Variants in CNTLN observed in about 807,000 individuals in gnomAD.
CNTLN encodes centlein, centrosomal protein.
A neutral mutation model predicts 180.0 loss-of-function variants in CNTLN; 212 were observed. The observed-to-expected ratio is 1.18, with a 90% confidence interval of 1.05 to 1.32. The LOEUF is 1.32. CNTLN is among the 40% of genes most tolerant of loss of function. The pLI, the probability that CNTLN is intolerant of heterozygous loss-of-function variation, is 0.00. For synonymous variants in CNTLN, 722 were observed against 563.1 expected (o/e 1.28, Z -3.99); for missense variants, 2,095 against 1,610.9 (o/e 1.30, Z -5.14).
chr9:17,374,666 C>G (rs1315350751), intron 13 of CNTLN, among the ~76,000 whole-genome samples: 6 of 151,978 alleles, frequency 3.9e-5, no homozygotes, highest in African/African-American at 1.2e-4. Flanking sequence ...TTGAGACCAG[C>G]CTGGCCAACA....
At chr9:17,384,898 G>C (rs1360621185) in intron 13 of CNTLN, among the ~76,000 whole-genome samples, 1 of 152,008 alleles carries the variant, frequency 6.6e-6, no homozygotes, top group Non-Finnish European at 1.5e-5. Flanking sequence ...TTCAATTCTA[G>C]CTACTTAGAA....
intron 2 of CNTLN, among the ~76,000 whole-genome samples, chr9:17,152,698 C>G (rs976700313): frequency 1.3e-5 from 2 of 152,142 alleles, no homozygotes; most frequent in Non-Finnish European, 2.9e-5. Flanking sequence ...GAGCTGAGTT[C>G]AACTCCTGAA....
intron 2 of CNTLN, among the ~76,000 whole-genome samples, chr9:17,218,705 G>A (rs1188974411): frequency 2.6e-5 from 4 of 151,946 alleles, no homozygotes; most frequent in Non-Finnish European, 5.9e-5. Flanking sequence ...GCTTTATTTT[G>A]TGTGTTATTT....
At chr9:17,225,259 T>C (rs185607807) in intron 2 of CNTLN, among the ~76,000 whole-genome samples, 51 of 152,152 alleles carry the variant, frequency 3.4e-4, no homozygotes, top group African/African-American at 1.1e-3. Flanking sequence ...ATGAGCCTGG[T>C]TGTGCTTCTG....
At chr9:17,359,484 G>A (rs935419407) in intron 12 of CNTLN, among the ~76,000 whole-genome samples, 1 of 151,876 alleles carries the variant, frequency 6.6e-6, no homozygotes, top group South Asian at 2.1e-4. Flanking sequence ...GTCCAGGAAA[G>A]TAGTAGTACT....
At chr9:17,196,187 C>A (rs1822118001) in intron 2 of CNTLN, among the ~76,000 whole-genome samples, 1 of 152,008 alleles carries the variant, frequency 6.6e-6, no homozygotes, top group African/African-American at 2.4e-5. Flanking sequence ...CCACACCTGG[C>A]TAATTTTTCT....
chr9:17,154,760 A>T (rs1365484888), intron 2 of CNTLN, among the ~76,000 whole-genome samples: 1 of 152,230 alleles, frequency 6.6e-6, no homozygotes, highest in Non-Finnish European at 1.5e-5. Context: ...ACTCTGTAAA[A>T]TGGACCAATC....
chr9:17,463,965 G>A (rs1211008252), intron 20 of CNTLN, among the ~76,000 whole-genome samples: 4 of 151,232 alleles, frequency 2.6e-5, no homozygotes, highest in Non-Finnish European at 5.9e-5. Flanking sequence ...CAGTAGCAGT[G>A]GTTCTCACAG....
rs146335983 is a variant in CNTLN at position 17,309,266 on chromosome 9, T to A, written c.1341+14T>A. 9.1e-4 allele frequency: 1,385 copies of A among 1,524,276 alleles called. 11 individuals carry two copies. The African/African-American group carries it at 0.016, about 18-fold the overall frequency. 94.4% of individuals were successfully genotyped at this position (1,524,276 alleles called of 1,614,324 possible). On this transcript the variant is annotated intron_variant, in intron 8 of 25. Transcript: ENST00000380647. ...TACTCAGCACAGGTGAGAGACATTT[T>A]CTAAAACTGTTATTCAGTGTAATAT...
chr9:17,392,838 C>A (rs1826217067), intron 14 of CNTLN, among the ~76,000 whole-genome samples: 1 of 151,406 alleles, frequency 6.6e-6, no homozygotes, highest in African/African-American at 2.4e-5. Flanking sequence ...GTAAATCAGA[C>A]ATGACTGAAA....
intron 10 of CNTLN, among the ~76,000 whole-genome samples, chr9:17,339,691 A>G (rs564706256): frequency 1.3e-5 from 2 of 152,338 alleles, no homozygotes; most frequent in East Asian, 3.9e-4. Context: ...TTATTAAAAT[A>G]TTTGAAATTC....
chr9:17,288,995 T>A (rs1177080943), intron 6 of CNTLN, among the ~76,000 whole-genome samples: 1 of 122,648 alleles, frequency 8.2e-6, no homozygotes. Context: ...ATTGGAGAAT[T>A]TAGTCCATTT....
At chr9:17,434,306 C>G (rs1282755061) in intron 18 of CNTLN, among the ~76,000 whole-genome samples, 1 of 151,276 alleles carries the variant, frequency 6.6e-6, no homozygotes, top group Non-Finnish European at 1.5e-5. Flanking sequence ...TGGTCTTTTT[C>G]TAACTGCTTG....
At chr9:17,525,764 T>C in the CNTLN span, among the ~76,000 whole-genome samples, 2 of 152,160 alleles carry the variant, frequency 1.3e-5, no homozygotes, top group African/African-American at 2.4e-5. Flanking sequence ...GAGAAATGAC[T>C]GAATTCATTA....
At chr9:17,360,567 A>C (rs978940358) in intron 12 of CNTLN, among the ~76,000 whole-genome samples, 22 of 152,142 alleles carry the variant, frequency 1.4e-4, no homozygotes, top group African/African-American at 5.3e-4. Context: ...GATTCTTGCT[A>C]AACTGACTTA....
intron 8 of CNTLN, among the ~76,000 whole-genome samples, chr9:17,322,512 A>G (rs1819987223): frequency 6.6e-6 from 1 of 152,180 alleles, no homozygotes; most frequent in African/African-American, 2.4e-5. Context: ...AGATATTAAA[A>G]TCTAGAAATT....
At chr9:17,290,041 G>T (rs1209744097) in intron 6 of CNTLN, among the ~76,000 whole-genome samples, 2 of 152,078 alleles carry the variant, frequency 1.3e-5, no homozygotes, top group Non-Finnish European at 2.9e-5. Flanking sequence ...GCTTTTTTCC[G>T]TTGCTGGTGA....
chr9:17,256,198 G>A (rs1020843142), intron 5 of CNTLN, among the ~76,000 whole-genome samples: 1 of 151,912 alleles, frequency 6.6e-6, no homozygotes, highest in African/African-American at 2.4e-5. Context: ...TTGCTATTCT[G>A]TTGTGATGCA....
At chr9:17,306,864 G>GA (rs1818752624) in intron 7 of CNTLN, among the ~76,000 whole-genome samples, 1 of 152,050 alleles carries the variant, frequency 6.6e-6, no homozygotes, top group South Asian at 2.1e-4. Context: ...AATATTCATT[G>GA]AAAAAATGAC....
Sources: allele counts gnomAD v4.1 joint callset (sites outside exome capture counted in the v4.1 genomes callset), GRCh38; gene constraint gnomAD v4.1.1; transcripts MANE v1.5; gene names NCBI Gene and HGNC (gene_info 2026-07-23, HGNC 2026-07-21).